Variants in TMEM161B observed in about 807,000 individuals in gnomAD.
TMEM161B encodes transmembrane protein 161B.
Under a neutral mutation model 61.8 loss-of-function variants are expected in TMEM161B, and 34 were observed. The ratio of observed to expected loss-of-function variants is 0.55; its 90% CI spans 0.42 to 0.73. TMEM161B has a LOEUF of 0.73. Ranked by LOEUF, TMEM161B falls within the 30% of genes least tolerant of loss-of-function variation. TMEM161B has a pLI of 0.00. For synonymous variants in TMEM161B, 167 were observed against 192.8 expected, an observed-to-expected ratio of 0.87 and a Z score of 1.11; for missense variants, 456 against 558.5, an observed-to-expected ratio of 0.82 and a Z score of 1.85.
At chr5:88,263,924 A>T (rs1756010175) in intron 1 of TMEM161B, among the ~76,000 whole-genome samples, 1 of 152,212 alleles carries the variant, frequency 6.6e-6, no homozygotes, top group African/African-American at 2.4e-5. Context: ...ATAAAGTCAG[A>T]GAACTGAGAA....
intron 1 of TMEM161B, among the ~76,000 whole-genome samples, chr5:88,256,719 G>C (rs564562408): frequency 1.3e-5 from 2 of 152,296 alleles, no homozygotes; most frequent in South Asian, 4.1e-4. Context: ...AGGAGGGTGG[G>C]AGATGGCAGA....
chr5:88,206,207 T>A lies in TMEM161B; in HGVS notation c.659+232A>T, dbSNP rs543039446. Among the ~76,000 whole-genome samples, 320 of 152,230 alleles carry A rather than the reference T, an allele frequency of 2.1e-3. 1 individual carries two copies. The highest frequency in any genetic ancestry group is 7.5e-3 in the African/African-American group (311 of 41,562). ...AGGGAATTGACATATAACTTGGATATAAATTTAATCTCTTGAGGGAGAGGA... is the reference window on the plus strand; with the variant it reads ...AGGGAATTGACATATAACTTGGATAAAAATTTAATCTCTTGAGGGAGAGGA... On this transcript the variant is annotated intron_variant, in intron 7 of 11. Coordinates refer to ENST00000296595, the MANE Select transcript of TMEM161B (RefSeq NM_153354.5).
intron 4 of TMEM161B, among the ~76,000 whole-genome samples, chr5:88,224,388 A>G (rs534809969): frequency 9.1e-4 from 138 of 152,286 alleles, no homozygotes; most frequent in African/African-American, 3.2e-3. Flanking sequence ...ATTGTTATCA[A>G]CTTAGATGCC....
intron 9 of TMEM161B, chr5:88,200,948 T>C (rs992345605): frequency 3.9e-5 from 6 of 152,104 alleles, no homozygotes; most frequent in African/African-American, 1.4e-4. Context: ...CAAACCAATT[T>C]GTCTGTGACA....
At chr5:88,236,553 T>C (rs796397285) in intron 2 of TMEM161B, among the ~76,000 whole-genome samples, 4 of 152,342 alleles carry the variant, frequency 2.6e-5, no homozygotes, top group East Asian at 1.9e-4. Flanking sequence ...TTAACTGATA[T>C]GACCAACTGT....
rs1749912592 is a variant in TMEM161B at position 88,197,698 on chromosome 5, A to T, written c.1157T>A (p.Leu386His). 1 of 1,612,960 alleles carries T rather than the reference A, an allele frequency of 6.2e-7. No homozygotes were observed. The highest frequency in any genetic ancestry group is 1.3e-5 in the African/African-American group (1 of 74,862). The change falls in exon 11 of 12, where the codon CTT becomes CAT. Residue 386 changes from leucine to histidine, a missense_variant. Physicochemically the swap from Leu to His is moderately conservative, Grantham distance 99. Around this residue, in one of 3 missense-constraint regions of TMEM161B, gnomAD observed 367 missense variants for 427.3 expected, o/e 0.86. Coordinates refer to ENST00000296595, the MANE Select transcript of TMEM161B (RefSeq NM_153354.5). Reference sequence around the variant, plus strand: ...TGTTTTCAAAAGCAGAGTTGTGTGAAGCAGCATTACCAGAGGCGCCACATA... The same window carrying T: ...TGTTTTCAAAAGCAGAGTTGTGTGATGCAGCATTACCAGAGGCGCCACATA... The part of the protein sequence containing the change: ...LQYVAPLVML[L>H]HTTLLLKTLG...
intron 5 of TMEM161B, among the ~76,000 whole-genome samples, chr5:88,213,476 C>T (rs564670035): frequency 1.3e-5 from 2 of 152,214 alleles, no homozygotes; most frequent in African/African-American, 4.8e-5. Flanking sequence ...AAAAAGCTTT[C>T]AGCCAGCCTC....
chr5:88,238,210 G>A (rs1457279887), intron 2 of TMEM161B, among the ~76,000 whole-genome samples: 1 of 151,496 alleles, frequency 6.6e-6, no homozygotes, highest in African/African-American at 2.4e-5. Flanking sequence ...TTTGATCCAT[G>A]ATTGGCTGAA....
At chr5:88,226,829 G>C (rs1750131733) in intron 3 of TMEM161B, among the ~76,000 whole-genome samples, 1 of 152,124 alleles carries the variant, frequency 6.6e-6, no homozygotes, top group Non-Finnish European at 1.5e-5. Context: ...TTATAATAAG[G>C]ATTCAGGCCA....
At chr5:88,255,682 T>C (rs1754901299) in intron 1 of TMEM161B, among the ~76,000 whole-genome samples, 1 of 152,188 alleles carries the variant, frequency 6.6e-6, no homozygotes, top group Admixed American at 6.6e-5. Context: ...GTCAGCACTG[T>C]TTTACAGCAT....
exon 13 of TMEM161B, chr5:88,189,975 T>A (rs1748617194): frequency 4.4e-6 from 3 of 677,602 alleles, no homozygotes; most frequent in Non-Finnish European, 8.1e-6. Flanking sequence ...TGCCGTCTTC[T>A]GTACCAAGTC....
At chr5:88,193,627 GA>G (rs1228058737), downstream of TMEM161B, among the ~76,000 whole-genome samples, 29 of 152,146 alleles carry the variant, frequency 1.9e-4, no homozygotes, top group Admixed American at 9.2e-4. Context: ...AGAACTTTAG[GA>G]ATATACATTA....
chr5:88,203,450 T>C (rs1323272115), intron 8 of TMEM161B, among the ~76,000 whole-genome samples: 1 of 151,936 alleles, frequency 6.6e-6, no homozygotes, highest in African/African-American at 2.4e-5. Context: ...GATTCTAACT[T>C]TATATAGTCA....
chr5:88,189,911 G>A (rs964714625), exon 13 of TMEM161B: 16 of 599,752 alleles, frequency 2.7e-5, no homozygotes, highest in Middle Eastern at 4.4e-4. Context: ...CCACCTTTCC[G>A]GAACTCTGAG....
At chr5:88,197,889 G>T in intron 10 of TMEM161B, 124 bp from the exon 11 acceptor site, 1 of 764,610 alleles carries the variant, frequency 1.3e-6, no homozygotes, top group Non-Finnish European at 2.0e-6. Flanking sequence ...GAAGCTAAAT[G>T]TCAGTAAGTT....
At chr5:88,257,080 C>T (rs1755077837) in intron 1 of TMEM161B, among the ~76,000 whole-genome samples, 1 of 152,088 alleles carries the variant, frequency 6.6e-6, no homozygotes, top group African/African-American at 2.4e-5. Flanking sequence ...ACCAGACTGG[C>T]CAACGTGGTG....
chr5:88,212,629 A>G (rs1226143068), intron 5 of TMEM161B, among the ~76,000 whole-genome samples: 1 of 152,174 alleles, frequency 6.6e-6, no homozygotes, highest in Non-Finnish European at 1.5e-5. Flanking sequence ...GGAATTCATG[A>G]CCAGCCTGGG....
chr5:88,190,381 A>T, downstream of TMEM161B: 1 of 641,812 alleles, frequency 1.6e-6, no homozygotes, highest in African/African-American at 1.8e-5. Context: ...GGTTTCATGC[A>T]CAGCCAGTAC....
At chr5:88,206,385 A>T in intron 7 of TMEM161B, 54 bp downstream of exon 7, 2 of 1,418,662 alleles carry the variant, frequency 1.4e-6, no homozygotes, top group Non-Finnish European at 1.9e-6. Flanking sequence ...ATACTGCTTT[A>T]TTAAAAATAG....
Sources: allele counts gnomAD v4.1 joint callset (sites outside exome capture counted in the v4.1 genomes callset), GRCh38; gene constraint gnomAD v4.1.1; regional missense constraint gnomAD v4.1.1; transcripts MANE v1.5; gene names NCBI Gene and HGNC (gene_info 2026-07-23, HGNC 2026-07-21).